The following RBFOX1 variants were observed in gnomAD, a reference collection of about 807,000 sequenced individuals.
RBFOX1 encodes RNA binding fox-1 homolog 1, also known as RNA binding protein fox-1 homolog 1.
Under a neutral mutation model 57.7 loss-of-function variants are expected in RBFOX1, and 8 were observed. The ratio of observed to expected loss-of-function variants is 0.14; its 90% CI spans 0.08 to 0.25. RBFOX1 has a LOEUF of 0.25. RBFOX1 is among the 10% of genes least tolerant of loss of function. The pLI is 1.00. For synonymous variants in RBFOX1, 326 were observed against 222.4 expected (o/e 1.47, Z -4.15); for missense variants, 611 against 548.5 (o/e 1.11, Z -1.14).
intron 4 of RBFOX1, among the ~76,000 whole-genome samples, chr16:7,430,774 G>T (rs951775496): frequency 6.6e-6 from 1 of 152,174 alleles, no homozygotes; most frequent in African/African-American, 2.4e-5. Context: ...CAGGAAGCCT[G>T]GTCGTCTTGC....
intron 3 of RBFOX1, among the ~76,000 whole-genome samples, chr16:5,774,301 T>C (rs2054076440): frequency 6.6e-6 from 1 of 152,226 alleles, no homozygotes; most frequent in South Asian, 2.1e-4. Flanking sequence ...TCTGGATTAA[T>C]AACACACTGG....
intron 2 of RBFOX1, among the ~76,000 whole-genome samples, chr16:6,617,973 C>G (rs995323148): frequency 9.9e-5 from 15 of 152,148 alleles, no homozygotes; most frequent in African/African-American, 2.7e-4. Flanking sequence ...CTTGCAAGTG[C>G]TTTCAGAAGG....
intron 2 of RBFOX1, among the ~76,000 whole-genome samples, chr16:6,580,064 T>G (rs548227616): frequency 1.3e-5 from 2 of 152,236 alleles, no homozygotes; most frequent in East Asian, 3.9e-4. Context: ...GTTCAAGTGA[T>G]TCTTCTGCCT....
intron 2 of RBFOX1, among the ~76,000 whole-genome samples, chr16:6,317,530 C>T (rs78326746): frequency 7.5e-6 from 1 of 134,086 alleles, no homozygotes; most frequent in Non-Finnish European, 1.7e-5. Flanking sequence ...TGACTATGAT[C>T]TGAAAATTAC....
intron 1 of RBFOX1, among the ~76,000 whole-genome samples, chr16:6,123,967 A>T (rs1317234717): frequency 6.6e-6 from 1 of 152,132 alleles, no homozygotes; most frequent in Non-Finnish European, 1.5e-5. Context: ...CAAGGAGAAA[A>T]GCATATACCG....
chr16:7,287,741 A>T (rs1212450003), intron 4 of RBFOX1, among the ~76,000 whole-genome samples: 1 of 152,092 alleles, frequency 6.6e-6, no homozygotes, highest in African/African-American at 2.4e-5. Context: ...GTAGATCTAT[A>T]TGTTTAGATT....
intron 3 of RBFOX1, among the ~76,000 whole-genome samples, chr16:6,869,968 T>C (rs1259164721): frequency 6.6e-6 from 1 of 152,160 alleles, no homozygotes; most frequent in Non-Finnish European, 1.5e-5. Flanking sequence ...TTAGGACCTA[T>C]AAAATAAGGG....
At chr16:7,428,156 C>G (rs1475426719) in intron 4 of RBFOX1, among the ~76,000 whole-genome samples, 1 of 152,052 alleles carries the variant, frequency 6.6e-6, no homozygotes, top group African/African-American at 2.4e-5. Flanking sequence ...GGATGTATCA[C>G]GTTGCATGAT....
At chr16:7,216,687 C>G (rs915757146) in intron 4 of RBFOX1, among the ~76,000 whole-genome samples, 4 of 151,970 alleles carry the variant, frequency 2.6e-5, no homozygotes, top group African/African-American at 7.2e-5. Context: ...AACCCACAAA[C>G]AAACCGAGAC....
At chr16:6,248,979 C>T (rs2097585572) in intron 1 of RBFOX1, among the ~76,000 whole-genome samples, 1 of 152,120 alleles carries the variant, frequency 6.6e-6, no homozygotes, top group African/African-American at 2.4e-5. Context: ...GTGGATGAGA[C>T]AGCCACAGTC....
intron 3 of RBFOX1, among the ~76,000 whole-genome samples, chr16:6,993,783 T>C (rs2153615966): frequency 6.6e-6 from 1 of 152,322 alleles, no homozygotes; most frequent in South Asian, 2.1e-4. Context: ...TCTGCCATCC[T>C]GGAGCATGGA....
intron 10 of RBFOX1, among the ~76,000 whole-genome samples, chr16:7,612,612 A>AAT (rs1555670139): frequency 2.5e-4 from 38 of 151,250 alleles, no homozygotes; most frequent in African/African-American, 7.3e-4. Context: ...CTAATAAAAA[A>AAT]ATATATATAT....
chr16:5,583,103 C>T (rs1034170111), intron 2 of RBFOX1, among the ~76,000 whole-genome samples: 4 of 152,294 alleles, frequency 2.6e-5, no homozygotes, highest in Admixed American at 2.6e-4. Context: ...TGAACCCTGG[C>T]AGTTTGGCTT....
chr16:6,587,043 A>T (rs1174056896), intron 2 of RBFOX1, among the ~76,000 whole-genome samples: 4 of 152,020 alleles, frequency 2.6e-5, no homozygotes, highest in Non-Finnish European at 5.9e-5. Flanking sequence ...GAACACTTAA[A>T]ATCTATTCCT....
intron 2 of RBFOX1, among the ~76,000 whole-genome samples, chr16:6,360,815 A>G (rs760967924): frequency 6.6e-6 from 1 of 152,180 alleles, no homozygotes; most frequent in Non-Finnish European, 1.5e-5. Flanking sequence ...CTGCTTTTAC[A>G]TAGTTATCAT....
chr16:7,073,146 A>G (rs1461567403), intron 4 of RBFOX1, among the ~76,000 whole-genome samples: 1 of 152,198 alleles, frequency 6.6e-6, no homozygotes, highest in East Asian at 1.9e-4. Context: ...AGGGTCAGCA[A>G]ATTATGCTCT....
chr16:6,653,365 C>G (rs1237097350), intron 2 of RBFOX1, among the ~76,000 whole-genome samples: 2 of 152,174 alleles, frequency 1.3e-5, no homozygotes, highest in South Asian at 4.1e-4. Context: ...TGCCATGTGT[C>G]TTCTACATTG....
intron 3 of RBFOX1, among the ~76,000 whole-genome samples, chr16:5,852,985 G>A (rs1246981877): frequency 1.3e-5 from 2 of 152,126 alleles, no homozygotes; most frequent in Non-Finnish European, 1.5e-5. Flanking sequence ...CTCTCTGAGT[G>A]CAGAAGACTT....
At chr16:7,337,916 C>G (rs1006747582) in intron 4 of RBFOX1, among the ~76,000 whole-genome samples, 5 of 152,334 alleles carry the variant, frequency 3.3e-5, no homozygotes, top group Middle Eastern at 3.4e-3. Flanking sequence ...AACTCTTGAC[C>G]TCATGATCTG....
Sources: gnomAD v4.1 joint callset for allele counts (sites outside exome capture counted in the v4.1 genomes callset) on GRCh38, gnomAD v4.1.1 for gene constraint, MANE v1.5 for transcripts, NCBI Gene and HGNC (gene_info 2026-07-23, HGNC 2026-07-21) for gene names.